Variants in ROR1 observed in about 807,000 individuals in gnomAD.
ROR1 encodes the protein inactive tyrosine-protein kinase transmembrane receptor ROR1.
A neutral mutation model predicts 78.8 loss-of-function variants in ROR1; 19 were observed. The observed-to-expected ratio is 0.24, with a 90% confidence interval of 0.17 to 0.35. The LOEUF (loss-of-function observed/expected upper bound fraction) is 0.35. Ranked by LOEUF, ROR1 falls within the 10% of genes least tolerant of loss-of-function variation. The pLI, the probability that ROR1 is intolerant of heterozygous loss-of-function variation, is 1.00. For missense variants in ROR1, 917 were observed against 1,177.8 expected (o/e 0.78, Z 3.24); for synonymous variants, 386 against 433.6 (o/e 0.89, Z 1.36).
chr1:64,134,096 A>G (rs570729036), intron 4 of ROR1, among the ~76,000 whole-genome samples: 1 of 152,284 alleles, frequency 6.6e-6, no homozygotes, highest in East Asian at 1.9e-4. Flanking sequence ...TAGAAACACT[A>G]TTTAGAGCAA....
At chr1:63,943,630 T>A (rs1569950831) in intron 1 of ROR1, among the ~76,000 whole-genome samples, 1 of 152,084 alleles carries the variant, frequency 6.6e-6, no homozygotes, top group Non-Finnish European at 1.5e-5. Context: ...AGGCTGGAGG[T>A]GGAGCCATGT....
chr1:63,878,368 C>T (rs1263567555), intron 1 of ROR1, among the ~76,000 whole-genome samples: 4 of 152,174 alleles, frequency 2.6e-5, no homozygotes, highest in Non-Finnish European at 5.9e-5. Flanking sequence ...AGGAACTGAT[C>T]GGAAATAAAC....
At chr1:63,827,434 G>A (rs919923189) in intron 1 of ROR1, among the ~76,000 whole-genome samples, 2 of 152,140 alleles carry the variant, frequency 1.3e-5, no homozygotes, top group Non-Finnish European at 2.9e-5. Flanking sequence ...AAGTCAGTAA[G>A]AACTGTGGGT....
intron 1 of ROR1, among the ~76,000 whole-genome samples, chr1:63,900,489 A>C (rs2100402448): frequency 6.6e-6 from 1 of 150,582 alleles, no homozygotes. Context: ...TAATGATTTA[A>C]TTTTCTTTAG....
intron 1 of ROR1, among the ~76,000 whole-genome samples, chr1:63,876,645 GGTGTGTGTGTGTGTGTGTGTGTGTGT>G (rs367954652): frequency 7.7e-6 from 1 of 130,610 alleles, no homozygotes; most frequent in Admixed American, 7.4e-5. Context: ...CCACGAAAGG[GGTGTGTGTGTGTGTGTGTGTGTGTGT>G]GTGTGTGTGT....
intron 1 of ROR1, among the ~76,000 whole-genome samples, chr1:63,859,955 A>C (rs187527263): frequency 6.6e-6 from 1 of 152,298 alleles, no homozygotes; most frequent in Non-Finnish European, 1.5e-5. Context: ...GTGTCTTGTT[A>C]ATATCTGTAT....
chr1:64,029,438 G>A lies in ROR1; in HGVS notation c.163+20062G>A, dbSNP rs144186343. On this transcript the variant is annotated intron_variant, in intron 2 of 8. Transcript: ENST00000371079. ...TGGTCTTTACCCATTGATTCTCCTC[G>A]TAATTGCCCTTCGTATTAGTCTGCT... Among the ~76,000 whole-genome samples, 279 of 152,106 alleles carry A rather than the reference G, an allele frequency of 1.8e-3. 1 individual carries two copies. Among genetic ancestry groups the A allele is most frequent in the African/African-American group, 6.3e-3 (262 of 41,484 alleles).
chr1:63,822,264 C>T (rs1644927912), intron 1 of ROR1, among the ~76,000 whole-genome samples: 1 of 152,060 alleles, frequency 6.6e-6, no homozygotes, highest in Non-Finnish European at 1.5e-5. Context: ...ATAGTGGATG[C>T]GAAATAGATA....
intron 7 of ROR1, chr1:64,143,048 ACAC>A (rs763669049): frequency 7.3e-5 from 78 of 1,075,168 alleles, no homozygotes; most frequent in Non-Finnish European, 8.3e-5. Flanking sequence ...TGCCTTAAGA[ACAC>A]CACAAGGCAG....
intron 4 of ROR1, among the ~76,000 whole-genome samples, chr1:64,110,477 A>G (rs1345358061): frequency 6.6e-6 from 1 of 152,122 alleles, no homozygotes; most frequent in African/African-American, 2.4e-5. Context: ...GGCAGCTGGT[A>G]AGTATCACAG....
rs144577132 is a variant in ROR1, at chr1:63,792,988, C to T, written c.91+18480C>T. Among the ~76,000 whole-genome samples the T allele has an allele frequency of 3.6e-3, 543 of 152,352 alleles. 3 individuals are homozygous for T. Among genetic ancestry groups the T allele is most frequent in the African/African-American group, 0.013 (526 of 41,582 alleles). On this transcript the variant is annotated intron_variant, in intron 1 of 8. Transcript: ENST00000371079. ...CCACTCTTCCACAATACCAGACAAC[C>T]TGTAATCCTCAGACCCAGAATCTTA...
intron 4 of ROR1, among the ~76,000 whole-genome samples, chr1:64,083,980 G>A (rs1224377619): frequency 6.6e-6 from 1 of 152,192 alleles, no homozygotes; most frequent in African/African-American, 2.4e-5. Flanking sequence ...CTGGTCCAAA[G>A]GACTGTGACT....
chr1:64,061,951 G>T (rs143150297), intron 4 of ROR1, among the ~76,000 whole-genome samples: 23 of 152,124 alleles, frequency 1.5e-4, no homozygotes, highest in African/African-American at 5.3e-4. Flanking sequence ...TATCTGTCAG[G>T]CGCTTCTATC....
chr1:63,855,617 A>G (rs1169775085), intron 1 of ROR1, among the ~76,000 whole-genome samples: 1 of 150,766 alleles, frequency 6.6e-6, no homozygotes, highest in Non-Finnish European at 1.5e-5. Context: ...TTCATCGCAT[A>G]CATTGTAGAT....
intron 1 of ROR1, among the ~76,000 whole-genome samples, chr1:63,861,196 C>T (rs894982780): frequency 5.3e-5 from 8 of 152,216 alleles, no homozygotes; most frequent in African/African-American, 9.6e-5. Flanking sequence ...TCCTTCTCCA[C>T]CCTTTCCCCA....
At chr1:64,009,173 G>C in intron 1 of ROR1, 132 bp from the exon 2 acceptor site, 1 of 703,934 alleles carries the variant, frequency 1.4e-6, no homozygotes, top group South Asian at 1.8e-5. Flanking sequence ...AGTCTAATAA[G>C]CTATGGGATT....
intron 4 of ROR1, among the ~76,000 whole-genome samples, chr1:64,097,575 G>GCATA (rs2100652290): frequency 6.7e-6 from 1 of 149,122 alleles, no homozygotes; most frequent in East Asian, 2.0e-4. Context: ...ATTTCATATA[G>GCATA]TATATATATA....
intron 7 of ROR1, chr1:64,143,471 A>T: frequency 1.1e-6 from 1 of 936,832 alleles, no homozygotes; most frequent in South Asian, 4.9e-5. Context: ...AGATAATGCC[A>T]AGTTTCCCAG....
At chr1:63,995,411 C>T (rs1010829509) in intron 1 of ROR1, among the ~76,000 whole-genome samples, 2 of 152,078 alleles carry the variant, frequency 1.3e-5, no homozygotes, top group African/African-American at 4.8e-5. Context: ...AATGAGCTGC[C>T]AACACAAGAC....
Sources: gnomAD v4.1 joint callset for allele counts (sites outside exome capture counted in the v4.1 genomes callset) on GRCh38, gnomAD v4.1.1 for gene constraint, MANE v1.5 for transcripts, NCBI Gene and HGNC (gene_info 2026-07-23, HGNC 2026-07-21) for gene names.